Variants in SLC15A4 observed in about 807,000 individuals in gnomAD.
SLC15A4 encodes solute carrier family 15 member 4, also known as hPHT1.
In SLC15A4, 26 loss-of-function variants were observed where a neutral mutation model predicts 46.1. The ratio of observed to expected loss-of-function variants is 0.56; its 90% CI spans 0.41 to 0.78. The LOEUF (loss-of-function observed/expected upper bound fraction) is 0.78. SLC15A4 is among the 30% of genes least tolerant of loss of function. The pLI, the probability that SLC15A4 is intolerant of heterozygous loss-of-function variation, is 0.00. For synonymous variants in SLC15A4, 370 were observed against 333.4 expected (o/e 1.11, Z -1.20); for missense variants, 751 against 755.7 (o/e 0.99, Z 0.07).
At chr12:128,809,366 C>T (rs1807610514) in intron 4 of SLC15A4, 30 bp downstream of exon 4, 1 of 1,427,474 alleles carries the variant, frequency 7.0e-7, no homozygotes, top group Non-Finnish European at 9.7e-7. Flanking sequence ...TCCAAAATAA[C>T]AATGTTCAGA....
chr12:128,800,462 G>A (rs11059915), intron 6 of SLC15A4, among the ~76,000 whole-genome samples: 1 of 152,068 alleles, frequency 6.6e-6, no homozygotes, highest in African/African-American at 2.4e-5. Context: ...GTGAGAACAC[G>A]TTTCTAAAAA....
Position 128,800,934 on chromosome 12 carries a change from T to G in SLC15A4, c.1334A>C (p.His445Pro). 1.9e-6 allele frequency: 3 copies of G among 1,614,208 alleles called. No individual in the cohort carries two copies. Among genetic ancestry groups the G allele is most frequent in the Non-Finnish European group, 2.5e-6 (3 of 1,180,022 alleles). ...CCACCACAGCGACAGATCGGCAGCA[T>G]GGTAGACGACGTTGCCGATGGTCTG... ...INQTIGNVVY[H>P]AADLSLWWQV... Residue 445 changes from histidine (H) to proline (P), a missense_variant, in exon 6 of 8, where the codon CAT becomes CCT. Coordinates refer to ENST00000266771, the MANE Select transcript of SLC15A4 (RefSeq NM_145648.4).
At chr12:128,816,791 T>C (rs1286568190) in intron 1 of SLC15A4, among the ~76,000 whole-genome samples, 1 of 152,088 alleles carries the variant, frequency 6.6e-6, no homozygotes, top group East Asian at 1.9e-4. Flanking sequence ...ATGGCACCAC[T>C]GCACTCCTGC....
rs1203285368 is a variant in SLC15A4 at position 128,814,652 on chromosome 12, A to G, written c.842+123T>C. The G allele has an allele frequency of 4.1e-6, 4 of 971,668 alleles. No individual in the cohort carries two copies. In the East Asian group the frequency reaches 9.6e-5, roughly 23 times the overall value. 60.2% of individuals were successfully genotyped at this position (971,668 alleles called of 1,614,324 possible). On this transcript the variant is annotated intron_variant, in intron 2 of 7. Coordinates refer to ENST00000266771, the MANE Select transcript of SLC15A4 (RefSeq NM_145648.4). ...GAAATGCAGTGTTAAAGGAGAGAAGACATGTAAACCACTCAGCCCAGGCCC... is the reference window on the plus strand; with the variant it reads ...GAAATGCAGTGTTAAAGGAGAGAAGGCATGTAAACCACTCAGCCCAGGCCC...
chr12:128,817,349 C>A (rs556467992), intron 1 of SLC15A4, among the ~76,000 whole-genome samples: 1 of 152,202 alleles, frequency 6.6e-6, no homozygotes, highest in South Asian at 2.1e-4. Flanking sequence ...AAAATGTGAG[C>A]AGAGAAATGG....
At chr12:128,813,069 G>A (rs1451123722) in intron 2 of SLC15A4, 4 of 152,130 alleles carry the variant, frequency 2.6e-5, no homozygotes, top group Non-Finnish European at 4.4e-5. Context: ...CCACCCACAC[G>A]GATACTAAAA....
At chr12:128,799,205 C>T (rs1955484492) in intron 7 of SLC15A4, 54 bp downstream of exon 7, 2 of 1,602,988 alleles carry the variant, frequency 1.2e-6, no homozygotes, top group African/African-American at 2.7e-5. Flanking sequence ...TCCTGAGTGC[C>T]TGCGCCTCCC....
intron 2 of SLC15A4, among the ~76,000 whole-genome samples, chr12:128,811,142 C>T (rs1329992134): frequency 2.0e-5 from 3 of 152,216 alleles, no homozygotes; most frequent in Non-Finnish European, 4.4e-5. Flanking sequence ...TAATGGGGAA[C>T]GGGCTCCAAG....
rs149887776 is a variant in SLC15A4 at position 128,820,995 on chromosome 12, G to A, written c.546+2403C>T. Among the ~76,000 whole-genome samples, 1,238 of 152,250 alleles carry A rather than the reference G, an allele frequency of 8.1e-3. 14 individuals carry two copies. Among genetic ancestry groups the A allele is most frequent in the African/African-American group, 0.028 (1,168 of 41,540 alleles). Reference sequence around the variant, plus strand: ...AGTGAACTCTCCTATGAGAGAGGTCGTTTACAAGCCTGGCACCTCCCTCCC... The same window carrying A: ...AGTGAACTCTCCTATGAGAGAGGTCATTTACAAGCCTGGCACCTCCCTCCC... On this transcript the variant is annotated intron_variant, in intron 1 of 7. Transcript: ENST00000266771.
At chr12:128,800,506 G>A (rs1955504670) in intron 6 of SLC15A4, among the ~76,000 whole-genome samples, 3 of 152,240 alleles carry the variant, frequency 2.0e-5, no homozygotes, top group Admixed American at 6.5e-5. Context: ...TCTAAACGAA[G>A]CGCACTGAGA....
chr12:128,815,777 T>A (rs1204543880), intron 1 of SLC15A4: 1 of 152,528 alleles, frequency 6.6e-6, no homozygotes, highest in Non-Finnish European at 1.5e-5. Context: ...GGAATCTGCA[T>A]TTCAAGCAAC....
At chr12:128,805,424 T>C (rs1368033001) in intron 5 of SLC15A4, among the ~76,000 whole-genome samples, 3 of 152,200 alleles carry the variant, frequency 2.0e-5, no homozygotes, top group Non-Finnish European at 4.4e-5. Flanking sequence ...AAATCCCATA[T>C]ATGAGGAACT....
intron 5 of SLC15A4, among the ~76,000 whole-genome samples, chr12:128,805,672 AAGGCATGCGCCAC>A (rs1955577349): frequency 6.6e-6 from 1 of 152,116 alleles, no homozygotes; most frequent in Non-Finnish European, 1.5e-5. Flanking sequence ...GCTGGGATTA[AAGGCATGCGCCAC>A]CACGCATGGC....
chr12:128,812,035 C>T (rs1283171776), intron 2 of SLC15A4, among the ~76,000 whole-genome samples: 6 of 152,114 alleles, frequency 3.9e-5, no homozygotes, highest in African/African-American at 1.2e-4. Flanking sequence ...CTGTGAAGGC[C>T]GCATGTAGGT....
intron 5 of SLC15A4, among the ~76,000 whole-genome samples, chr12:128,803,919 G>GA (rs1162503827): frequency 6.6e-6 from 1 of 152,210 alleles, no homozygotes; most frequent in Non-Finnish European, 1.5e-5. Context: ...TGGTGTTTTA[G>GA]AAAGTGTTCG....
intron 5 of SLC15A4, among the ~76,000 whole-genome samples, chr12:128,804,502 T>C (rs1176912008): frequency 4.6e-5 from 7 of 152,116 alleles, no homozygotes; most frequent in Admixed American, 3.9e-4. Context: ...GAGGCCAAGG[T>C]GGGCAGATCA....
At chr12:128,801,851 T>C (rs1955521983) in intron 5 of SLC15A4, 1 of 152,174 alleles carries the variant, frequency 6.6e-6, no homozygotes, top group Non-Finnish European at 1.5e-5. Context: ...AACATGAGTA[T>C]GAAGAAAGGT....
Position 128,809,866 on chromosome 12 carries a change from A to G in SLC15A4, c.1011+77T>C, listed in dbSNP as rs1168167528. The stretch of plus-strand genomic sequence containing the variant: ...AAAATCACCTAGTCCTACCTACTTT[A>G]GAAATGGCCAAAACAAGTGCTAGGG... On this transcript the variant is annotated intron_variant, in intron 3 of 7. Transcript: ENST00000266771. 6.2e-6 allele frequency: 9 copies of G among 1,448,252 alleles called. No individual in the cohort carries two copies. The African/African-American group carries it at 1.1e-4, about 18-fold the overall frequency. The allele number at this position is 1,448,252 out of a possible 1,614,324, so 89.7% of individuals were successfully genotyped here.
intron 1 of SLC15A4, 90 bp from the exon 2 acceptor site, chr12:128,815,160 T>C: frequency 1.6e-6 from 2 of 1,244,188 alleles, no homozygotes; most frequent in Non-Finnish European, 2.3e-6. Flanking sequence ...AAATTACCGT[T>C]GTCATCACAA....
Sources: gnomAD v4.1 joint callset for allele counts (sites outside exome capture counted in the v4.1 genomes callset) on GRCh38, gnomAD v4.1.1 for gene constraint, MANE v1.5 for transcripts, NCBI Gene and HGNC (gene_info 2026-07-23, HGNC 2026-07-21) for gene names.